The following SEMA5A variants were observed in gnomAD, a reference collection of about 807,000 sequenced individuals.
SEMA5A encodes semaphorin-5A.
SEMA5A carries 55 observed loss-of-function variants against 135.5 expected under a neutral mutation model. The ratio of observed to expected loss-of-function variants is 0.41; its 90% CI spans 0.33 to 0.51. SEMA5A has a LOEUF of 0.51. Ranked by LOEUF, SEMA5A falls within the 20% of genes least tolerant of loss-of-function variation. SEMA5A has a pLI of 0.37. For synonymous variants in SEMA5A, 580 were observed against 546.5 expected, an observed-to-expected ratio of 1.06 and a Z score of -0.85; for missense variants, 1,290 against 1,419.9, an observed-to-expected ratio of 0.91 and a Z score of 1.47.
At chr5:9,134,052 A>G (rs1410150513) in intron 13 of SEMA5A, among the ~76,000 whole-genome samples, 1 of 152,156 alleles carries the variant, frequency 6.6e-6, no homozygotes, top group Non-Finnish European at 1.5e-5. Flanking sequence ...AAGAAGGTGC[A>G]TGCTTGCTTC....
chr5:9,448,242 T>C (rs1428878818), intron 1 of SEMA5A, among the ~76,000 whole-genome samples: 2 of 152,192 alleles, frequency 1.3e-5, no homozygotes, highest in Non-Finnish European at 2.9e-5. Flanking sequence ...TCAGGAAAGT[T>C]CTAAGTTCAC....
At chr5:9,232,358 T>C (rs1031141906) in intron 6 of SEMA5A, among the ~76,000 whole-genome samples, 1 of 152,198 alleles carries the variant, frequency 6.6e-6, no homozygotes, top group Non-Finnish European at 1.5e-5. Context: ...TCATAATGTG[T>C]TATCTTTGTC....
intron 2 of SEMA5A, among the ~76,000 whole-genome samples, chr5:9,383,366 C>T (rs1223615951): frequency 1.3e-5 from 2 of 152,168 alleles, no homozygotes; most frequent in African/African-American, 2.4e-5. Flanking sequence ...AGGTTTGGGG[C>T]ACCCATATCA....
At chr5:9,159,524 C>A (rs1743133698) in intron 11 of SEMA5A, among the ~76,000 whole-genome samples, 2 of 137,116 alleles carry the variant, frequency 1.5e-5, no homozygotes, top group Admixed American at 7.4e-5. Flanking sequence ...TCATGCCAGT[C>A]AGAATGATTA....
intron 2 of SEMA5A, among the ~76,000 whole-genome samples, chr5:9,393,360 G>A (rs1561215945): frequency 6.6e-6 from 1 of 152,164 alleles, no homozygotes; most frequent in East Asian, 1.9e-4. Context: ...GTCCAAAAGA[G>A]TGAGAACCAT....
intron 6 of SEMA5A, among the ~76,000 whole-genome samples, chr5:9,236,826 A>C (rs2150449306): frequency 6.6e-6 from 1 of 152,078 alleles, no homozygotes; most frequent in Admixed American, 6.5e-5. Context: ...GGGTTGGGAA[A>C]CCCCATAACT....
intron 4 of SEMA5A, among the ~76,000 whole-genome samples, chr5:9,320,407 A>T (rs1006912545): frequency 3.9e-5 from 6 of 152,222 alleles, no homozygotes; most frequent in African/African-American, 1.2e-4. Flanking sequence ...TGAGAAGACT[A>T]GGACTCCAAC....
chr5:9,435,854 G>T (rs748552188), intron 2 of SEMA5A, among the ~76,000 whole-genome samples: 2 of 152,122 alleles, frequency 1.3e-5, no homozygotes, highest in Admixed American at 1.3e-4. Context: ...GAAAACGTTC[G>T]CCAATTCTTG....
chr5:9,333,678 A>T (rs1645792906), intron 4 of SEMA5A, among the ~76,000 whole-genome samples: 1 of 152,206 alleles, frequency 6.6e-6, no homozygotes, highest in Non-Finnish European at 1.5e-5. Context: ...TTTTTATACC[A>T]AGAAACTGAT....
chr5:9,455,930 G>A (rs1042717064), intron 1 of SEMA5A, among the ~76,000 whole-genome samples: 1 of 152,186 alleles, frequency 6.6e-6, no homozygotes, highest in African/African-American at 2.4e-5. Flanking sequence ...GGGGAAGCAG[G>A]AGTGAGTCAG....
At chr5:9,463,284 G>T (rs895697229) in intron 1 of SEMA5A, among the ~76,000 whole-genome samples, 6 of 152,060 alleles carry the variant, frequency 3.9e-5, no homozygotes, top group African/African-American at 1.4e-4. Flanking sequence ...AGAGAGGGAG[G>T]TTTTGTGATA....
In SEMA5A at chr5:9,044,494, C is replaced by T. The variant is rs138316526; in HGVS notation, c.2984G>A (p.Arg995Gln). ...CGCATCGTGGGATTGCTGCTGGTAC[C>T]GCTGGCAGTAAGTATAGACGAGCAG... Reference protein sequence around the residue: ...LTLLVYTYCQRYQQQSHDATV... With the variant: ...LTLLVYTYCQQYQQQSHDATV... The change falls in exon 22 of 23, where the codon CGG becomes CAG. Residue 995 changes from arginine (R) to glutamine (Q), a missense_variant. Arg to Gln is a conservative substitution (Grantham distance 43). Around this residue, in one of 3 missense-constraint regions of SEMA5A, gnomAD observed 1,029 missense variants for 1,086.6 expected, o/e 0.95. Coordinates refer to ENST00000382496, the MANE Select transcript of SEMA5A (RefSeq NM_003966.3). 491 of 1,613,888 alleles carry T rather than the reference C, an allele frequency of 3.0e-4. 1 individual carries two copies. The South Asian group carries it at 3.3e-3, about 11-fold the overall frequency.
intron 1 of SEMA5A, among the ~76,000 whole-genome samples, chr5:9,514,052 G>T (rs1331745405): frequency 6.6e-6 from 1 of 152,144 alleles, no homozygotes; most frequent in Non-Finnish European, 1.5e-5. Context: ...GGCTATAGAG[G>T]AGAATCTGTT....
intron 5 of SEMA5A, among the ~76,000 whole-genome samples, chr5:9,239,366 T>C (rs906416127): frequency 6.6e-6 from 1 of 152,128 alleles, no homozygotes; most frequent in African/African-American, 2.4e-5. Flanking sequence ...AACACATGAT[T>C]TGAATTCCAT....
At chr5:9,115,301 T>C (rs988541478) in intron 15 of SEMA5A, among the ~76,000 whole-genome samples, 8 of 152,098 alleles carry the variant, frequency 5.3e-5, no homozygotes, top group Non-Finnish European at 1.0e-4. Context: ...AAAGCCTGAC[T>C]CAGGAAGCAT....
chr5:9,239,561 GT>G (rs1366520554), intron 5 of SEMA5A, among the ~76,000 whole-genome samples: 1 of 151,938 alleles, frequency 6.6e-6, no homozygotes, highest in Non-Finnish European at 1.5e-5. Flanking sequence ...ATATTACTCA[GT>G]TTTTTTGTAT....
intron 16 of SEMA5A, among the ~76,000 whole-genome samples, chr5:9,093,209 T>C (rs1739130288): frequency 6.6e-6 from 1 of 152,240 alleles, no homozygotes; most frequent in South Asian, 2.1e-4. Context: ...TACATATATC[T>C]GAAACCATAA....
intron 2 of SEMA5A, among the ~76,000 whole-genome samples, chr5:9,435,475 A>C (rs1757996545): frequency 6.6e-6 from 1 of 152,242 alleles, no homozygotes; most frequent in Admixed American, 6.5e-5. Context: ...ATAGAACATC[A>C]AATGTCCTTA....
chr5:9,361,953 T>G lies in SEMA5A; in HGVS notation c.124+17870A>C, dbSNP rs1367651166. On this transcript the variant is annotated intron_variant, in intron 3 of 22. Transcript: ENST00000382496. ...TGAACACTAGAGGGCGCTCTCAAAC[T>G]CGAAGATTTGGTGTTAAGGCCCCTG... is the stretch of plus-strand genomic sequence containing the variant. 2.0e-5 allele frequency among the ~76,000 whole-genome samples: 3 copies of G among 152,242 alleles called. No individual in the cohort carries two copies. The East Asian group carries it at 5.8e-4, about 29-fold the overall frequency.
Sources: allele counts gnomAD v4.1 joint callset (sites outside exome capture counted in the v4.1 genomes callset), GRCh38; gene constraint gnomAD v4.1.1; regional missense constraint gnomAD v4.1.1; transcripts MANE v1.5; gene names NCBI Gene and HGNC (gene_info 2026-07-23, HGNC 2026-07-21).